The following NTM variants were observed in gnomAD, a reference collection of about 807,000 sequenced individuals.
NTM encodes IgLON family member 2.
A neutral mutation model predicts 42.1 loss-of-function variants in NTM; 13 were observed. That is an observed-to-expected ratio of 0.31 (90% CI 0.20 to 0.49). NTM has a LOEUF of 0.49. Among genes scored for constraint, NTM ranks in the 20% least tolerant of loss-of-function variants. The probability of loss-of-function intolerance (pLI) is 0.99; values close to 1 mark genes in which losing one functional copy is unlikely to be tolerated. For synonymous variants in NTM, 187 were observed against 179.2 expected (o/e 1.04, Z -0.35); for missense variants, 373 against 452.8 (o/e 0.82, Z 1.60).
chr11:131,643,874 G>T (rs2065446356), intron 1 of NTM, among the ~76,000 whole-genome samples: 2 of 152,192 alleles, frequency 1.3e-5, no homozygotes, highest in African/African-American at 4.8e-5. Flanking sequence ...CTCCAGACCT[G>T]AGACCAGAGG....
intron 3 of NTM, among the ~76,000 whole-genome samples, chr11:132,164,867 G>A (rs949723128): frequency 5.3e-5 from 8 of 152,154 alleles, no homozygotes; most frequent in African/African-American, 1.9e-4. Flanking sequence ...ATCCAACAAA[G>A]ATGCCATGGA....
rs142992213 is a variant in NTM at position 131,866,143 on chromosome 11, C to T, written c.83-45421C>T. Among the ~76,000 whole-genome samples, 149 of 150,482 alleles carry T rather than the reference C, an allele frequency of 9.9e-4. 1 individual carries two copies. The highest frequency in any genetic ancestry group is 2.4e-3 in the African/African-American group (99 of 41,354). ...ACATGCCTCACATACACATGCATGCCGCACACACACGGTGCACACACACAG... is the reference window on the plus strand; with the variant it reads ...ACATGCCTCACATACACATGCATGCTGCACACACACGGTGCACACACACAG... On this transcript the variant is annotated intron_variant, in intron 1 of 8. Transcript: ENST00000683400.
At chr11:131,789,808 T>C (rs1490337600) in intron 1 of NTM, among the ~76,000 whole-genome samples, 1 of 131,288 alleles carries the variant, frequency 7.6e-6, no homozygotes, top group South Asian at 2.4e-4. Context: ...TACAAAAAAT[T>C]AGCCGGGTGT....
intron 5 of NTM, 61 bp downstream of exon 5, chr11:132,307,884 A>G: frequency 1.9e-6 from 3 of 1,550,002 alleles, no homozygotes; most frequent in South Asian, 2.3e-5. Flanking sequence ...TGTCACAGCC[A>G]CCACCCAGAG....
chr11:131,445,741 A>C (rs1950007805), intron 1 of NTM, among the ~76,000 whole-genome samples: 1 of 152,210 alleles, frequency 6.6e-6, no homozygotes, highest in Non-Finnish European at 1.5e-5. Context: ...AGTACCATCC[A>C]ACCACCTTTG....
chr11:132,328,184 G>C (rs895727183), intron 7 of NTM, among the ~76,000 whole-genome samples: 2 of 152,136 alleles, frequency 1.3e-5, no homozygotes, highest in African/African-American at 4.8e-5. Context: ...AGCAAGGGGG[G>C]TGGACTGGAA....
chr11:131,652,121 C>T (rs1194018576), intron 1 of NTM, among the ~76,000 whole-genome samples: 2 of 152,080 alleles, frequency 1.3e-5, no homozygotes, highest in Non-Finnish European at 2.9e-5. Context: ...AAGAAAATGA[C>T]AGCCTTCCCA....
At chr11:131,476,743 G>C (rs1013422106) in intron 1 of NTM, among the ~76,000 whole-genome samples, 3 of 152,084 alleles carry the variant, frequency 2.0e-5, no homozygotes, top group African/African-American at 7.2e-5. Flanking sequence ...TTGAAAAGAA[G>C]CCACACTTCC....
chr11:132,319,250 G>A (rs1305311669), intron 7 of NTM, among the ~76,000 whole-genome samples: 3 of 152,168 alleles, frequency 2.0e-5, no homozygotes, highest in Non-Finnish European at 2.9e-5. Flanking sequence ...TCATCTCACT[G>A]GGGAGTGCCA....
intron 1 of NTM, among the ~76,000 whole-genome samples, chr11:131,745,583 G>T (rs1342652459): frequency 1.3e-5 from 2 of 152,124 alleles, no homozygotes; most frequent in South Asian, 2.1e-4. Context: ...ATATTGAAAG[G>T]ATCAGAGGAC....
At chr11:131,408,951 T>C (rs1172683589) in intron 1 of NTM, among the ~76,000 whole-genome samples, 1 of 152,138 alleles carries the variant, frequency 6.6e-6, no homozygotes, top group Non-Finnish European at 1.5e-5. Flanking sequence ...GAAACTACCT[T>C]TGGAGAAACA....
chr11:131,957,496 T>C (rs2061676229), intron 2 of NTM, among the ~76,000 whole-genome samples: 1 of 152,196 alleles, frequency 6.6e-6, no homozygotes, highest in Non-Finnish European at 1.5e-5. Context: ...TAATGTTCAC[T>C]AGCGCTAAGA....
chr11:132,055,220 T>C (rs11222890), intron 2 of NTM, among the ~76,000 whole-genome samples: 27,398 of 151,692 alleles, frequency 0.18, 1,320 homozygotes, highest in South Asian at 0.33. Context: ...AAATTTGTTT[T>C]AGGATAATGA....
chr11:131,725,099 A>G (rs2078803269), intron 1 of NTM, among the ~76,000 whole-genome samples: 1 of 152,050 alleles, frequency 6.6e-6, no homozygotes, highest in African/African-American at 2.4e-5. Context: ...GACGTCAAAG[A>G]TGGGGGATGC....
chr11:132,309,917 A>G (rs1318467696), intron 5 of NTM, 195 bp from the exon 6 acceptor site: 12 of 274,624 alleles, frequency 4.4e-5, no homozygotes, highest in Admixed American at 1.9e-4. Context: ...TTAGGCAGGC[A>G]TGGTGCCGTG....
intron 6 of NTM, 28 bp from the exon 7 acceptor site, chr11:132,314,524 C>CTTCTTTTTTGTCTT: frequency 6.3e-7 from 1 of 1,594,034 alleles, no homozygotes; most frequent in East Asian, 2.2e-5. Context: ...ATCTTGTTTT[C>CTTCTTTTTTGTCTT]TTCTTTTTTG....
chr11:132,062,700 A>G (rs960858705), intron 2 of NTM, among the ~76,000 whole-genome samples: 3 of 152,258 alleles, frequency 2.0e-5, no homozygotes, highest in Non-Finnish European at 4.4e-5. Context: ...AGAAGACTTC[A>G]GAATCATTAG....
intron 2 of NTM, among the ~76,000 whole-genome samples, chr11:132,118,201 T>A (rs1456854544): frequency 6.6e-6 from 1 of 152,240 alleles, no homozygotes; most frequent in Non-Finnish European, 1.5e-5. Flanking sequence ...ATAAGCTTTT[T>A]TTTTTAACTT....
chr11:131,653,648 C>T (rs531657236), intron 1 of NTM, among the ~76,000 whole-genome samples: 11 of 152,324 alleles, frequency 7.2e-5, no homozygotes, highest in African/African-American at 2.4e-4. Context: ...GCTGCTCCTA[C>T]CCGAGTGCCT....
Sources: gnomAD v4.1 joint callset for allele counts (sites outside exome capture counted in the v4.1 genomes callset) on GRCh38, gnomAD v4.1.1 for gene constraint, MANE v1.5 for transcripts, NCBI Gene and HGNC (gene_info 2026-07-23, HGNC 2026-07-21) for gene names.